KDM3A: variants seen among roughly 807,000 people sequenced by gnomAD.
KDM3A encodes lysine demethylase 3A.
In KDM3A, 60 loss-of-function variants were observed where a neutral mutation model predicts 158.0. The observed-to-expected ratio is 0.38, with a 90% CI of 0.31 to 0.47. The LOEUF (loss-of-function observed/expected upper bound fraction) is 0.47. KDM3A is among the 20% of genes least tolerant of loss of function. KDM3A has a pLI of 0.99. For synonymous variants in KDM3A, 608 were observed against 549.3 expected (o/e 1.11, Z -1.49); for missense variants, 1,319 against 1,574.3 (o/e 0.84, Z 2.74).
At chr2:86,450,862 AAT>A (rs1487170435) in intron 3 of KDM3A, among the ~76,000 whole-genome samples, 1 of 152,194 alleles carries the variant, frequency 6.6e-6, no homozygotes, top group Non-Finnish European at 1.5e-5. Flanking sequence ...GGACACCATG[AAT>A]CTGTGAACCC....
At chr2:86,451,483 GAA>G in intron 4 of KDM3A, among the ~76,000 whole-genome samples, 1 of 152,064 alleles carries the variant, frequency 6.6e-6, no homozygotes, top group East Asian at 1.9e-4. Flanking sequence ...CTAGATAAAA[GAA>G]AATGTTATTA....
In KDM3A at chr2:86,470,220, G is replaced by A. The variant is rs1178769199; in HGVS notation, c.1536G>A (p.Ser512=). 7 of 1,613,898 alleles carry A rather than the reference G, an allele frequency of 4.3e-6. No homozygotes were observed. Among genetic ancestry groups the A allele is most frequent in the Middle Eastern group, 1.7e-4 (1 of 6,058 alleles). The change falls in exon 11 of 26, where the codon TCG becomes TCA. Residue 512 remains serine (S), a synonymous_variant. Transcript: ENST00000312912. ...NKIQNAPSRK[S]VLTDPAKLKK... ...TTTTCCTAGCCCCATCCAGGAAGTCGGTTTTGACAGACCCAGCTAAACTCA... is the reference window on the plus strand; with the variant it reads ...TTTTCCTAGCCCCATCCAGGAAGTCAGTTTTGACAGACCCAGCTAAACTCA...
At chr2:86,472,395 C>T (rs761725989) in intron 11 of KDM3A, among the ~76,000 whole-genome samples, 2 of 151,882 alleles carry the variant, frequency 1.3e-5, no homozygotes, top group African/African-American at 2.4e-5. Flanking sequence ...TCATTAGCCT[C>T]CTCATCAAGT....
chr2:86,477,618 C>G (rs1443182791), intron 12 of KDM3A, among the ~76,000 whole-genome samples: 1 of 152,006 alleles, frequency 6.6e-6, no homozygotes, highest in Non-Finnish European at 1.5e-5. Context: ...GGAGTTCATT[C>G]TCCTAGAGGG....
chr2:86,452,021 C>A (rs1238532954), intron 4 of KDM3A, among the ~76,000 whole-genome samples: 2 of 152,100 alleles, frequency 1.3e-5, no homozygotes, highest in African/African-American at 2.4e-5. Context: ...CAAATCAATA[C>A]TTGTGGTGGT....
rs771143967 is a variant in KDM3A, at chr2:86,478,249, G to A, written c.2172G>A (p.Gln724=). The A allele has an allele frequency of 1.9e-6, 3 of 1,611,016 alleles. No individual in the cohort carries two copies. The highest frequency in any genetic ancestry group is 2.5e-6 in the Non-Finnish European group (3 of 1,177,256). ...AACCAGAGAACTTAATGCCCACACA[G>A]ATCATTCCTGGAAAAGGTATTTCAT... The part of the protein sequence containing the change: ...IHEPENLMPT[Q]IIPGKALYDV... Residue 724 remains glutamine (Q), a synonymous_variant, in exon 14 of 26, where the codon CAG becomes CAA. Transcript: ENST00000312912.
chr2:86,454,651 AC>A (rs1477966513), intron 4 of KDM3A, among the ~76,000 whole-genome samples: 1 of 151,864 alleles, frequency 6.6e-6, no homozygotes, highest in African/African-American at 2.4e-5. Context: ...CAATGAATCG[AC>A]CATATACATC....
intron 10 of KDM3A, 38 bp from the exon 11 acceptor site, chr2:86,470,166 A>G (rs1398855115): frequency 6.4e-7 from 1 of 1,574,434 alleles, no homozygotes. Context: ...ATTTTTAAAA[A>G]TTTGAGGTCC....
intron 8 of KDM3A, among the ~76,000 whole-genome samples, chr2:86,457,607 T>G (rs1672760135): frequency 6.6e-6 from 1 of 152,170 alleles, no homozygotes; most frequent in Non-Finnish European, 1.5e-5. Context: ...TCTCAATAGA[T>G]TTGACAATTT....
intron 8 of KDM3A, among the ~76,000 whole-genome samples, chr2:86,462,233 A>T (rs1010678995): frequency 1.3e-5 from 2 of 151,702 alleles, no homozygotes; most frequent in Admixed American, 6.6e-5. Context: ...GCTTGATTTT[A>T]TACAGAGTAA....
intron 12 of KDM3A, among the ~76,000 whole-genome samples, chr2:86,476,558 C>T: frequency 6.9e-6 from 1 of 145,684 alleles, no homozygotes; most frequent in South Asian, 2.1e-4. Context: ...AAGAGTTTAC[C>T]TCTGATCCTG....
At position 86,466,373 on chromosome 2, in the gene KDM3A, T is replaced by C. The variant is rs369600731; in HGVS notation, c.1009T>C (p.Cys337Arg). Reference sequence around the variant, plus strand: ...AGCTTTCTATATTATATTTTTCAGATGTCATAAACAAAGTTTACCAGAGGA... The same window carrying C: ...AGCTTTCTATATTATATTTTTCAGACGTCATAAACAAAGTTTACCAGAGGA... ...PNLGAKIPQGCHKQSLPEEIS... is the reference protein window; with the variant it reads ...PNLGAKIPQGRHKQSLPEEIS... The change falls in exon 10 of 26, where the codon TGT becomes CGT. Residue 337 changes from cysteine (C) to arginine (R), a missense_variant and splice_region_variant. This residue lies in a region of KDM3A where 652 missense variants were observed against 627.2 expected (regional missense o/e 1.04). Coordinates refer to ENST00000312912, the MANE Select transcript of KDM3A (RefSeq NM_018433.6). 1.3e-5 allele frequency: 21 copies of C among 1,604,002 alleles called. No individual in the cohort carries two copies. The African/African-American group carries it at 2.4e-4, about 19-fold the overall frequency.
chr2:86,485,919 T>C (rs1490399982), intron 21 of KDM3A, 60 bp downstream of exon 21: 3 of 1,572,964 alleles, frequency 1.9e-6, no homozygotes, highest in Non-Finnish European at 1.7e-6. Context: ...GTTTGGAAAA[T>C]TGATTTTGTG....
chr2:86,487,921 G>C lies in KDM3A; in HGVS notation c.3314-1397G>C, dbSNP rs371757169. ...TCGTTTTGCACTGTGGCACTGGCTG[G>C]ATCAGCAGGCAGCCAGTCCTGCTGA... On this transcript the variant is annotated intron_variant, in intron 21 of 25. Coordinates refer to ENST00000312912, the MANE Select transcript of KDM3A (RefSeq NM_018433.6). 4 of 152,248 alleles carry C rather than the reference G, an allele frequency of 2.6e-5. No individual in the cohort carries two copies. The East Asian group carries it at 5.8e-4, about 22-fold the overall frequency. The allele number at this position is 152,248 out of a possible 1,614,324, so 9.4% of individuals were successfully genotyped here. A position where few individuals can be genotyped will look rare whatever the true frequency, so the allele number is the denominator to read the frequency against.
chr2:86,461,865 G>A (rs950656970), intron 8 of KDM3A, among the ~76,000 whole-genome samples: 4 of 152,164 alleles, frequency 2.6e-5, no homozygotes, highest in Non-Finnish European at 5.9e-5. Flanking sequence ...AAGTGTAGTT[G>A]GAGTACTGTG....
chr2:86,449,847 G>T lies in KDM3A; in HGVS notation c.227G>T (p.Arg76Ile). ...GATGGGGAATCTTGGAGGAAAAGAA[G>T]ATGGATAGAAGTCTACAGCCTTCTA... The part of the protein sequence containing the change: ...EFDGESWRKR[R>I]WIEVYSLLRR... The change falls in exon 3 of 26, where the codon AGA (arginine) becomes ATA (isoleucine). Residue 76 changes from arginine to isoleucine, a missense_variant. By Grantham distance (97) the Arg-to-Ile change is moderately conservative. This residue lies in a region of KDM3A where 652 missense variants were observed against 627.2 expected (regional missense o/e 1.04). Transcript: ENST00000312912. 6.2e-7 allele frequency: 1 copy of T among 1,613,290 alleles called. No individual in the cohort carries two copies. The highest frequency in any genetic ancestry group is 8.5e-7 in the Non-Finnish European group (1 of 1,179,684).
intron 15 of KDM3A, chr2:86,478,972 T>C (rs1558626323): frequency 3.0e-6 from 1 of 331,824 alleles, no homozygotes; most frequent in Non-Finnish European, 5.4e-6. Flanking sequence ...TACATTTTTG[T>C]TTCTTGAAGA....
intron 8 of KDM3A, among the ~76,000 whole-genome samples, chr2:86,458,955 G>A (rs994927335): frequency 6.6e-6 from 1 of 152,018 alleles, no homozygotes; most frequent in Admixed American, 6.6e-5. Context: ...GAGGTGAGGC[G>A]GTAGCTAAGG....
rs186968733 is a variant in KDM3A, at chr2:86,477,817, C to T, written c.1940-60C>T. 29 of 1,497,690 alleles carry T rather than the reference C, an allele frequency of 1.9e-5. No individual in the cohort carries two copies. In the Middle Eastern group the frequency reaches 6.4e-4, roughly 33 times the overall value. The allele number at this position is 1,497,690 out of a possible 1,614,324, so 92.8% of individuals were successfully genotyped here. A position where few individuals can be genotyped will look rare whatever the true frequency, so the allele number is the denominator to read the frequency against. On this transcript the variant is annotated intron_variant, in intron 12 of 25. Coordinates refer to ENST00000312912, the MANE Select transcript of KDM3A (RefSeq NM_018433.6). ...AGGAATGACAATAACCCCTACCTTT[C>T]GTTTTTGGTTTCAGAAGCCCTCTCC...
Sources: allele counts gnomAD v4.1 joint callset (sites outside exome capture counted in the v4.1 genomes callset), GRCh38; gene constraint gnomAD v4.1.1; regional missense constraint gnomAD v4.1.1; transcripts MANE v1.5; gene names NCBI Gene and HGNC (gene_info 2026-07-23, HGNC 2026-07-21).